The following CDC25A variants were observed in gnomAD, a reference collection of about 807,000 sequenced individuals.
CDC25A encodes the protein M-phase inducer phosphatase 1.
Under a neutral mutation model 64.6 loss-of-function variants are expected in CDC25A, and 17 were observed. That is an observed-to-expected ratio of 0.26 (90% confidence interval 0.18 to 0.39). The LOEUF is 0.39. CDC25A is among the 10% of genes least tolerant of loss of function. The pLI, the probability that CDC25A is intolerant of heterozygous loss-of-function variation, is 1.00. For synonymous variants in CDC25A, 229 were observed against 238.6 expected, an observed-to-expected ratio of 0.96 and a Z score of 0.37; for missense variants, 473 against 654.8, an observed-to-expected ratio of 0.72 and a Z score of 3.03.
intron 13 of CDC25A, chr3:48,161,512 C>G (rs544965943): frequency 1.4e-4 from 22 of 152,288 alleles, no homozygotes; most frequent in African/African-American, 4.8e-4. Context: ...AGTTTGAGAC[C>G]AGCCTGGGCA....
At chr3:48,184,771 A>G (rs899345778) in intron 2 of CDC25A, 76 bp from the exon 3 acceptor site, 1 of 1,049,968 alleles carries the variant, frequency 9.5e-7, no homozygotes, top group Non-Finnish European at 1.4e-6. Flanking sequence ...AACACTAAAC[A>G]AAGTACCTGG....
chr3:48,186,842 G>C (rs2032862664), intron 1 of CDC25A, 63 bp from the exon 2 acceptor site: 1 of 1,094,528 alleles, frequency 9.1e-7, no homozygotes, highest in Admixed American at 2.0e-5. Context: ...TCACATGCAG[G>C]AGATAGGCCA....
chr3:48,165,822 T>G lies in CDC25A; in HGVS notation c.1092+9A>C, dbSNP rs746393729. ...CGATGTGTGGTGGGTTTCAAAAGGA[T>G]GGACTTACAATTTCTGGAGAGATGT... On this transcript the variant is annotated intron_variant, in intron 11 of 14. Coordinates refer to ENST00000302506, the MANE Select transcript of CDC25A (RefSeq NM_001789.3). 1.4e-5 allele frequency: 22 copies of G among 1,606,728 alleles called. No individual in the cohort carries two copies. The highest frequency in any genetic ancestry group is 1.9e-5 in the Non-Finnish European group (22 of 1,173,226).
rs1396873792 is a variant in CDC25A at position 48,186,718 on chromosome 3, C to T, written c.232G>A (p.Glu78Lys). 3.8e-6 allele frequency: 6 copies of T among 1,598,590 alleles called. No individual in the cohort carries two copies. Among genetic ancestry groups the T allele is most frequent in the South Asian group, 1.1e-5 (1 of 89,396 alleles). The part of the protein sequence containing the change: ...NSNLQRMGSS[E>K]STDSGFCLDS... ...ACTTAAATACCTGAATCTGTTGACT[C>T]GGAGGAGCCCATTCTCTGCAGATTA... Residue 78 changes from glutamate to lysine, a missense_variant, in exon 2 of 15, where the codon GAG becomes AAG. This residue lies in a region of CDC25A where 376 missense variants were observed against 431.9 expected (regional missense o/e 0.87). Transcript: ENST00000302506.
chr3:48,169,348 T>TATA (rs1341557304), intron 9 of CDC25A, among the ~76,000 whole-genome samples: 4 of 152,220 alleles, frequency 2.6e-5, no homozygotes, highest in Non-Finnish European at 5.9e-5. Context: ...CCTGGCACAT[T>TATA]ATACTTCCTG....
In CDC25A at chr3:48,187,795, C is replaced by T; in HGVS notation, c.153G>A (p.Gln51=). 1 of 1,547,998 alleles carries T rather than the reference C, an allele frequency of 6.5e-7. No homozygotes were observed. Among genetic ancestry groups the T allele is most frequent in the Non-Finnish European group, 8.7e-7 (1 of 1,145,254 alleles). The change falls in exon 1 of 15, where the codon CAG becomes CAA. Residue 51 remains glutamine (Q), a synonymous_variant. Coordinates refer to ENST00000302506, the MANE Select transcript of CDC25A (RefSeq NM_001789.3). The stretch of plus-strand genomic sequence containing the variant: ...CTCCTTACCTGCCCAGACCCTGCAG[C>T]TGGTCCATAGTGACGGTCAGGTTGG... ...PVTNLTVTMD[Q]LQGLGSDYEQ... is the part of the protein sequence containing the mutation.
At position 48,158,848 on chromosome 3, in the gene CDC25A, T is replaced by G; in HGVS notation, c.*97A>C. The G allele has an allele frequency of 6.9e-7, 1 of 1,452,896 alleles. No individual in the cohort carries two copies. Among genetic ancestry groups the G allele is most frequent in the South Asian group, 1.3e-5 (1 of 78,298 alleles). The allele number at this position is 1,452,896 out of a possible 1,614,324, so 90.0% of individuals were successfully genotyped here. A position where few individuals can be genotyped will look rare whatever the true frequency, so the allele number is the denominator to read the frequency against. The stretch of plus-strand genomic sequence containing the variant: ...AAGTCCCAGGCCCCCTCTCCAAATG[T>G]CACACAGCTGTCCCCTTTGCTTAAG... On this transcript the variant is annotated 3_prime_UTR_variant, in exon 15 of 15. Transcript: ENST00000302506.
Position 48,187,868 on chromosome 3 carries a change from A to C in CDC25A, c.80T>G (p.Val27Gly). Reference sequence around the variant, plus strand: ...GGCTGAAGCGCCAAATAGCGCCTTCACGACGGGCTGCGACGCGGGAGGGGG... The same window carrying C: ...GGCTGAAGCGCCAAATAGCGCCTTCCCGACGGGCTGCGACGCGGGAGGGGG... ...CSPPPASQPVVKALFGASAAG... is the reference protein window; with the variant it reads ...CSPPPASQPVGKALFGASAAG... Residue 27 changes from valine (V) to glycine (G), a missense_variant, in exon 1 of 15, where the codon GTG (valine) becomes GGG (glycine). Coordinates refer to ENST00000302506, the MANE Select transcript of CDC25A (RefSeq NM_001789.3). The C allele has an allele frequency of 6.5e-7, 1 of 1,548,158 alleles. No individual in the cohort carries two copies. The highest frequency in any genetic ancestry group is 8.7e-7 in the Non-Finnish European group (1 of 1,146,030).
chr3:48,167,223 A>G (rs892224811), intron 10 of CDC25A, among the ~76,000 whole-genome samples: 4 of 152,224 alleles, frequency 2.6e-5, no homozygotes, highest in East Asian at 1.9e-4. Flanking sequence ...TGCCTAACAC[A>G]TAAGTGCTTC....
chr3:48,175,717 T>C (rs979528954), intron 8 of CDC25A, among the ~76,000 whole-genome samples: 6 of 152,196 alleles, frequency 3.9e-5, no homozygotes, highest in Non-Finnish European at 7.3e-5. Flanking sequence ...ATCAAATCTA[T>C]AAAACTAACA....
chr3:48,168,360 C>CCACACCCACACA (rs2032124234), intron 9 of CDC25A, among the ~76,000 whole-genome samples: 2 of 106,538 alleles, frequency 1.9e-5, no homozygotes, highest in South Asian at 7.3e-4. Context: ...AAGACCCTGT[C>CCACACCCACACA]CACACACACA....
At chr3:48,184,770 CA>C in intron 2 of CDC25A, 75 bp from the exon 3 acceptor site, 1 of 1,050,872 alleles carries the variant, frequency 9.5e-7, no homozygotes, top group Admixed American at 2.6e-5. Context: ...AAACACTAAA[CA>C]AAGTACCTGG....
Position 48,165,902 on chromosome 3 carries a change from G to GA in CDC25A, c.1030-10dup, listed in dbSNP as rs1428772097. 7 of 1,526,796 alleles carry GA rather than the reference G, an allele frequency of 4.6e-6. No homozygotes were observed. The highest frequency in any genetic ancestry group is 6.3e-6 in the Non-Finnish European group (7 of 1,103,688). The allele number at this position is 1,526,796 out of a possible 1,614,324, so 94.6% of individuals were successfully genotyped here. On this transcript the variant is annotated splice_polypyrimidine_tract_variant and intron_variant, in intron 10 of 14. Transcript: ENST00000302506. ...GTATGAAAGAGATAACCCTTAAAAAGAAAAAAAGATACTTAGAGAATCTGA... is the reference window on the plus strand; with the variant it reads ...GTATGAAAGAGATAACCCTTAAAAAGAAAAAAAAGATACTTAGAGAATCTGA...
In CDC25A at chr3:48,187,858, T is replaced by C. The variant is rs1412649934; in HGVS notation, c.90A>G (p.Leu30=). Reference sequence around the variant, plus strand: ...GTCCCCCGGCGGCTGAAGCGCCAAATAGCGCCTTCACGACGGGCTGCGACG... The same window carrying C: ...GTCCCCCGGCGGCTGAAGCGCCAAACAGCGCCTTCACGACGGGCTGCGACG... ...PPASQPVVKA[L]FGASAAGGLS... The change falls in exon 1 of 15, where the codon CTA becomes CTG. Residue 30 remains leucine, a synonymous_variant. Coordinates refer to ENST00000302506, the MANE Select transcript of CDC25A (RefSeq NM_001789.3). The C allele has an allele frequency of 1.3e-6, 2 of 1,548,760 alleles. No individual in the cohort carries two copies. The highest frequency in any genetic ancestry group is 8.7e-7 in the Non-Finnish European group (1 of 1,146,050).
At chr3:48,166,401 C>A (rs773246304) in intron 10 of CDC25A, among the ~76,000 whole-genome samples, 1 of 152,170 alleles carries the variant, frequency 6.6e-6, no homozygotes, top group Non-Finnish European at 1.5e-5. Context: ...GGTATATTAT[C>A]CCCATTTTGA....
At chr3:48,165,800 T>A (rs1310938348) in intron 11 of CDC25A, 31 bp downstream of exon 11, 2 of 1,590,944 alleles carry the variant, frequency 1.3e-6, no homozygotes, top group Non-Finnish European at 1.7e-6. Flanking sequence ...AAGTACCCGA[T>A]GTGTGGTGGG....
intron 5 of CDC25A, chr3:48,181,767 G>A: frequency 5.0e-6 from 3 of 604,508 alleles, no homozygotes; most frequent in Non-Finnish European, 6.0e-6. Flanking sequence ...TTAAAGTTCT[G>A]AGAGAAATAA....
At position 48,182,896 on chromosome 3, in the gene CDC25A, T is replaced by C. The variant is rs772154201; in HGVS notation, c.429+33A>G. The C allele has an allele frequency of 2.4e-5, 34 of 1,401,190 alleles. 1 individual carries two copies. In the South Asian group the frequency reaches 3.7e-4, roughly 15 times the overall value. 86.8% of individuals were successfully genotyped at this position (1,401,190 alleles called of 1,614,324 possible). On this transcript the variant is annotated intron_variant, in intron 5 of 14. Transcript: ENST00000302506. Reference sequence around the variant, plus strand: ...ACTGACAGCCTGTGGGTTTCACCTCTGCCTCAGGTTAGTACATTGAAGTCA... The same window carrying C: ...ACTGACAGCCTGTGGGTTTCACCTCCGCCTCAGGTTAGTACATTGAAGTCA...
At chr3:48,174,230 G>T (rs760476535) in intron 9 of CDC25A, 54 bp downstream of exon 9, 41 of 1,482,566 alleles carry the variant, frequency 2.8e-5, no homozygotes, top group Non-Finnish European at 3.7e-5. Flanking sequence ...GAAATTTTTA[G>T]AACTGAAAAA....
Sources: gnomAD v4.1 joint callset for allele counts (sites outside exome capture counted in the v4.1 genomes callset) on GRCh38, gnomAD v4.1.1 for gene constraint, gnomAD v4.1.1 regional missense constraint, MANE v1.5 for transcripts, NCBI Gene and HGNC (gene_info 2026-07-23, HGNC 2026-07-21) for gene names.